The following CPSF4L variants were observed in gnomAD, a reference collection of about 807,000 sequenced individuals.
CPSF4L encodes the protein cleavage and polyadenylation specific factor 4 like.
Under a neutral mutation model 24.0 loss-of-function variants are expected in CPSF4L, and 18 were observed. The observed-to-expected ratio is 0.75, with a 90% CI of 0.52 to 1.11. The LOEUF is 1.11. Ranked by LOEUF, CPSF4L falls within the 50% of genes least tolerant of loss-of-function variation. The probability of loss-of-function intolerance (pLI) is 0.00; values close to 1 mark genes in which losing one functional copy is unlikely to be tolerated. For synonymous variants in CPSF4L, 72 were observed against 77.2 expected (o/e 0.93, Z 0.35); for missense variants, 211 against 221.8 (o/e 0.95, Z 0.31).
downstream of CPSF4L, chr17:73,247,307 C>G (rs1306658226): frequency 2.5e-6 from 4 of 1,614,030 alleles, no homozygotes; most frequent in Non-Finnish European, 3.4e-6. Flanking sequence ...GCGAAGACGA[C>G]TGGGGATTGC....
chr17:73,252,677 G>C lies in CPSF4L; in HGVS notation c.450C>G (p.Asn150Lys). 1 of 1,551,608 alleles carries C rather than the reference G, an allele frequency of 6.4e-7. No individual in the cohort carries two copies. The highest frequency in any genetic ancestry group is 8.7e-7 in the Non-Finnish European group (1 of 1,146,930). The change falls in exon 5 of 6, where the codon AAC (asparagine) becomes AAG (lysine). Residue 150 changes from asparagine to lysine, a missense_variant. Asn to Lys is a moderately conservative substitution (Grantham distance 94, BLOSUM62 0). Transcript: ENST00000344935. ...YRHVPRIMCL[N>K]YLVGFCPEGP... is the part of the protein sequence containing the mutation. ...CCTCGGGGCAGAAGCCAACTAAATA[G>C]TTGAGACACATTATTCTGGGGACAT...
intron 5 of CPSF4L, among the ~76,000 whole-genome samples, chr17:73,249,527 G>T (rs1599409477): frequency 6.6e-6 from 1 of 152,174 alleles, no homozygotes; most frequent in South Asian, 2.1e-4. Context: ...GCCCTGACTG[G>T]GGACTCCAGC....
Position 73,260,949 on chromosome 17 carries a change from T to C in CPSF4L, c.138A>G (p.Lys46=). 6.4e-7 allele frequency: 1 copy of C among 1,550,670 alleles called. No individual in the cohort carries two copies. The highest frequency in any genetic ancestry group is 8.7e-7 in the Non-Finnish European group (1 of 1,146,392). ...CTAACTCACCTTTCTCACAGAGCCCTTTAGTGAAGAAGTTGCACACAGCTG... is the reference window on the plus strand; with the variant it reads ...CTAACTCACCTTTCTCACAGAGCCCCTTAGTGAAGAAGTTGCACACAGCTG... ...SASAVCNFFT[K]GLCEKGKLCP... The change falls in exon 2 of 6, where the codon AAA becomes AAG. Residue 46 remains lysine, a synonymous_variant. Transcript: ENST00000344935.
At chr17:73,248,012 CGTT>C (rs1568328998), downstream of CPSF4L, 1 of 155,576 alleles carries the variant, frequency 6.4e-6, no homozygotes, top group Non-Finnish European at 1.4e-5. Flanking sequence ...AGTTTAAGAG[CGTT>C]GTTGAGGTAA....
At chr17:73,243,176 T>C in the CPSF4L span, 1 of 662,456 alleles carries the variant, frequency 1.5e-6, no homozygotes, top group Non-Finnish European at 2.7e-6. Context: ...TTTTTTGAGA[T>C]ACAGTTTTGC....
At chr17:73,257,605 C>G in intron 3 of CPSF4L, 76 bp downstream of exon 3, 2 of 1,480,008 alleles carry the variant, frequency 1.4e-6, no homozygotes. Flanking sequence ...GTGCCCGCTC[C>G]TCTAGAAACC....
intron 2 of CPSF4L, 126 bp from the exon 3 acceptor site, chr17:73,257,959 A>C (rs548138140): frequency 6.7e-6 from 6 of 897,034 alleles, no homozygotes; most frequent in Non-Finnish European, 8.1e-6. Context: ...TTATCCCTTC[A>C]CCTGGACCCT....
chr17:73,248,280 C>G (rs2061979564), downstream of CPSF4L: 3 of 546,128 alleles, frequency 5.5e-6, no homozygotes, highest in Middle Eastern at 4.4e-4. Context: ...AGACTGCTAC[C>G]CACAGAAGCC....
At chr17:73,250,927 GCT>G in intron 5 of CPSF4L, 12 of 1,413,360 alleles carry the variant, frequency 8.5e-6, no homozygotes, top group Non-Finnish European at 8.5e-6. Context: ...TGCCCTCCCA[GCT>G]CTCAGCCAAG....
At chr17:73,245,789 TATA>T (rs1287200273), downstream of CPSF4L, 1 of 847,378 alleles carries the variant, frequency 1.2e-6, no homozygotes, top group African/African-American at 1.8e-5. Context: ...GCACACTAAC[TATA>T]ATGTTAAATC....
chr17:73,247,529 C>G (rs1416151831), downstream of CPSF4L: 2 of 561,524 alleles, frequency 3.6e-6, no homozygotes, highest in African/African-American at 3.8e-5. Flanking sequence ...TTGTCATAAT[C>G]AGGGTGCTGA....
At chr17:73,245,678 G>C (rs1568327177), downstream of CPSF4L, 1 of 985,294 alleles carries the variant, frequency 1.0e-6, no homozygotes, top group Admixed American at 6.1e-5. Flanking sequence ...ACCAGATCTT[G>C]ATAAGGTGTG....
chr17:73,257,943 G>A, intron 2 of CPSF4L, 110 bp from the exon 3 acceptor site: 1 of 1,178,316 alleles, frequency 8.5e-7, no homozygotes. Flanking sequence ...CCCAGCGGCT[G>A]TCCCCTTATC....
chr17:73,261,407 A>T (rs956647049), intron 1 of CPSF4L, among the ~76,000 whole-genome samples: 1 of 152,046 alleles, frequency 6.6e-6, no homozygotes, highest in African/African-American at 2.4e-5. Flanking sequence ...CATGCCTGTA[A>T]TCCCAGCACT....
chr17:73,245,251 G>A (rs2061933221), downstream of CPSF4L: 1 of 1,601,958 alleles, frequency 6.2e-7, no homozygotes, highest in East Asian at 2.2e-5. Context: ...GGAGACGACT[G>A]CAATACATAC....
At chr17:73,252,843 A>G in intron 4 of CPSF4L, 120 bp from the exon 5 acceptor site, 1 of 626,704 alleles carries the variant, frequency 1.6e-6, no homozygotes. Context: ...ATAGGGGTGG[A>G]TAAATCTTCC....
intron 5 of CPSF4L, 41 bp downstream of exon 5, chr17:73,252,589 A>C (rs933168806): frequency 1.4e-5 from 18 of 1,248,276 alleles, no homozygotes; most frequent in Admixed American, 7.9e-5. Flanking sequence ...GGCCAGGCCT[A>C]GCACTCTGGT....
chr17:73,257,955 C>T (rs2062030044), intron 2 of CPSF4L, 122 bp from the exon 3 acceptor site: 3 of 998,668 alleles, frequency 3.0e-6, no homozygotes, highest in Admixed American at 2.6e-5. Context: ...CCCCTTATCC[C>T]TTCACCTGGA....
At position 73,257,852 on chromosome 17, in the gene CPSF4L, C is replaced by G. The variant is rs2062029615; in HGVS notation, c.155-19G>C. On this transcript the variant is annotated intron_variant, in intron 2 of 5. Transcript: ENST00000344935. ...AGTTTCCCTGGAGATGCCAGAGCAC[C>G]TGGCTGGGAGGCCCCTCATCCACAG... The G allele has an allele frequency of 6.4e-7, 1 of 1,550,666 alleles. No homozygotes were observed. Among genetic ancestry groups the G allele is most frequent in the Non-Finnish European group, 8.7e-7 (1 of 1,146,724 alleles).
Sources: gnomAD v4.1 joint callset for allele counts (sites outside exome capture counted in the v4.1 genomes callset) on GRCh38, gnomAD v4.1.1 for gene constraint, MANE v1.5 for transcripts, NCBI Gene and HGNC (gene_info 2026-07-23, HGNC 2026-07-21) for gene names.